The following ADARB2 variants were observed in gnomAD, a reference collection of about 807,000 sequenced individuals.
ADARB2 encodes adenosine deaminase RNA specific B2 (inactive).
Under a neutral mutation model 62.2 loss-of-function variants are expected in ADARB2, and 25 were observed. That is an observed-to-expected ratio of 0.40 (90% CI 0.29 to 0.56). The LOEUF is 0.56. ADARB2 is among the 20% of genes least tolerant of loss of function. The pLI is 0.43. For missense variants in ADARB2, 1,071 were observed against 1,077.4 expected, an observed-to-expected ratio of 0.99 and a Z score of 0.08; for synonymous variants, 572 against 500.8, an observed-to-expected ratio of 1.14 and a Z score of -1.90.
At chr10:1,504,986 C>T (rs193064664) in intron 1 of ADARB2, among the ~76,000 whole-genome samples, 6 of 151,712 alleles carry the variant, frequency 4.0e-5, no homozygotes, top group African/African-American at 1.2e-4. Context: ...CATACACATG[C>T]AATGCACACA....
intron 8 of ADARB2, among the ~76,000 whole-genome samples, chr10:1,186,858 C>T (rs1836765841): frequency 1.3e-5 from 2 of 152,218 alleles, no homozygotes; most frequent in South Asian, 4.1e-4. Flanking sequence ...CCATAGCAGA[C>T]TCCCGGGAGG....
At chr10:1,630,615 G>A (rs778315704) in intron 1 of ADARB2, among the ~76,000 whole-genome samples, 13 of 152,248 alleles carry the variant, frequency 8.5e-5, no homozygotes, top group East Asian at 3.9e-4. Context: ...GAGAAATGGC[G>A]ACTCTATGAA....
At chr10:1,228,783 G>C (rs1273847772) in intron 6 of ADARB2, among the ~76,000 whole-genome samples, 1 of 152,164 alleles carries the variant, frequency 6.6e-6, no homozygotes, top group Admixed American at 6.5e-5. Context: ...GCCACAGAGC[G>C]GGGAGTCCAG....
chr10:1,559,911 C>T (rs1285466527), intron 1 of ADARB2, among the ~76,000 whole-genome samples: 1 of 152,212 alleles, frequency 6.6e-6, no homozygotes, highest in Admixed American at 6.5e-5. Context: ...TGTCCTCACC[C>T]TCGGGGGAGC....
chr10:1,505,046 A>G (rs536517530), intron 1 of ADARB2, among the ~76,000 whole-genome samples: 1 of 151,944 alleles, frequency 6.6e-6, no homozygotes, highest in Non-Finnish European at 1.5e-5. Flanking sequence ...CATGCACGAC[A>G]CACAGACACA....
At chr10:1,296,868 CCTT>C (rs1831528000) in intron 3 of ADARB2, among the ~76,000 whole-genome samples, 1 of 152,208 alleles carries the variant, frequency 6.6e-6, no homozygotes, top group Admixed American at 6.5e-5. Flanking sequence ...AAAATACACT[CCTT>C]CTCTGCTCCC....
chr10:1,480,420 C>T lies in ADARB2; in HGVS notation c.101-101260G>A, dbSNP rs369630456. ...AAGGAAATTAAGAAAAAGTTCTGGC[C>T]GGGCGTGGTGGCTCACGCCTGTAAT... On this transcript the variant is annotated intron_variant, in intron 1 of 9. Coordinates refer to ENST00000381312, the MANE Select transcript of ADARB2 (RefSeq NM_018702.4). Among the ~76,000 whole-genome samples, 47 of 152,260 alleles carry T rather than the reference C, an allele frequency of 3.1e-4. 1 individual carries two copies. Among genetic ancestry groups the T allele is most frequent in the East Asian group, 9.7e-4 (5 of 5,180 alleles).
chr10:1,299,680 A>G (rs1831555800), intron 3 of ADARB2, among the ~76,000 whole-genome samples: 1 of 152,104 alleles, frequency 6.6e-6, no homozygotes, highest in African/African-American at 2.4e-5. Flanking sequence ...TAGGACGTGG[A>G]GCTAAGGACA....
At position 1,219,921 on chromosome 10, in the gene ADARB2, ATGG is replaced by A. The variant is rs1370818740; in HGVS notation, c.1514-2805_1514-2803del. Among the ~76,000 whole-genome samples, 68 of 137,204 alleles carry A rather than the reference ATGG, an allele frequency of 5.0e-4. No homozygotes were observed. In the South Asian group the frequency reaches 0.015, roughly 30 times the overall value. 90.0% of individuals were successfully genotyped at this position (137,204 alleles called of 152,430 possible). A position where few individuals can be genotyped will look rare whatever the true frequency, so the allele number is the denominator to read the frequency against. ...AATGATGGTAATGGTGGTGGCGATG[ATGG>A]TGATGGTGATGATGGTGGTGATAAT... is the stretch of plus-strand genomic sequence containing the variant. On this transcript the variant is annotated intron_variant, in intron 6 of 9. Coordinates refer to ENST00000381312, the MANE Select transcript of ADARB2 (RefSeq NM_018702.4).
intron 1 of ADARB2, among the ~76,000 whole-genome samples, chr10:1,427,282 G>C (rs746095048): frequency 2.0e-5 from 3 of 152,190 alleles, no homozygotes; most frequent in Non-Finnish European, 4.4e-5. Context: ...TGTTAAGAGG[G>C]TATGAGAAGC....
intron 1 of ADARB2, among the ~76,000 whole-genome samples, chr10:1,404,910 G>T (rs11250496): frequency 0.25 from 37,340 of 152,154 alleles, 4,978 homozygotes; most frequent in Middle Eastern, 0.39. Context: ...GGTCCTTTTC[G>T]TTAGATTGTT....
At chr10:1,632,273 A>G (rs1457091420) in intron 1 of ADARB2, among the ~76,000 whole-genome samples, 3 of 152,190 alleles carry the variant, frequency 2.0e-5, no homozygotes, top group Admixed American at 2.0e-4. Flanking sequence ...CATACACTAC[A>G]CACACATATG....
At chr10:1,331,547 A>T (rs12265210) in intron 3 of ADARB2, among the ~76,000 whole-genome samples, 5,331 of 152,326 alleles carry the variant, frequency 0.035, 311 homozygotes, top group African/African-American at 0.12. Context: ...TAGGCAAATC[A>T]TAGAGACAGA....
intron 1 of ADARB2, among the ~76,000 whole-genome samples, chr10:1,600,191 G>T (rs1588318087): frequency 6.6e-6 from 1 of 152,130 alleles, no homozygotes; most frequent in Non-Finnish European, 1.5e-5. Context: ...AAATCTGCTG[G>T]CAGGGAGAAG....
chr10:1,692,248 A>G (rs1291517058), intron 1 of ADARB2, among the ~76,000 whole-genome samples: 5 of 152,222 alleles, frequency 3.3e-5, no homozygotes, highest in Non-Finnish European at 7.4e-5. Context: ...CCTTCTAATG[A>G]AGCTTTCCTA....
intron 3 of ADARB2, among the ~76,000 whole-genome samples, chr10:1,275,425 G>A (rs1460211030): frequency 6.6e-6 from 1 of 152,234 alleles, no homozygotes; most frequent in Non-Finnish European, 1.5e-5. Flanking sequence ...CCAGGCAGCA[G>A]CCATGGCGCC....
intron 1 of ADARB2, among the ~76,000 whole-genome samples, chr10:1,555,107 T>C (rs747751729): frequency 9.9e-5 from 15 of 152,208 alleles, no homozygotes; most frequent in Non-Finnish European, 2.1e-4. Context: ...TGTGCCACAT[T>C]TTCTTTATCC....
intron 3 of ADARB2, among the ~76,000 whole-genome samples, chr10:1,345,127 C>T (rs1008963984): frequency 2.0e-5 from 3 of 151,992 alleles, no homozygotes; most frequent in Non-Finnish European, 2.9e-5. Flanking sequence ...TGGAGGAAAC[C>T]GCCGCAGCCT....
At chr10:1,663,627 T>TC (rs1260581439) in intron 1 of ADARB2, among the ~76,000 whole-genome samples, 4 of 151,984 alleles carry the variant, frequency 2.6e-5, no homozygotes, top group African/African-American at 7.3e-5. Context: ...TGAATTTTTT[T>TC]TTTTTTCTTT....
Sources: allele counts gnomAD v4.1 joint callset (sites outside exome capture counted in the v4.1 genomes callset), GRCh38; gene constraint gnomAD v4.1.1; transcripts MANE v1.5; gene names NCBI Gene and HGNC (gene_info 2026-07-23, HGNC 2026-07-21).